The following ITPR1 variants were observed in gnomAD, a reference collection of about 807,000 sequenced individuals.
ITPR1 encodes the protein inositol 1,4,5-trisphosphate-gated calcium channel ITPR1.
ITPR1 carries 96 observed loss-of-function variants against 318.4 expected under a neutral mutation model. The ratio of observed to expected loss-of-function variants is 0.30; its 90% confidence interval spans 0.26 to 0.36. ITPR1 has a LOEUF of 0.36. ITPR1 is among the 10% of genes least tolerant of loss of function. The pLI, the probability that ITPR1 is intolerant of heterozygous loss-of-function variation, is 1.00. For missense variants in ITPR1, 2,440 were observed against 3,460.2 expected (o/e 0.71, Z 7.40); for synonymous variants, 1,312 against 1,289.9 (o/e 1.02, Z -0.37).
chr3:4,754,048 T>A (rs1412253176), intron 44 of ITPR1, among the ~76,000 whole-genome samples: 12 of 92,566 alleles, frequency 1.3e-4, no homozygotes, highest in African/African-American at 4.0e-4. Flanking sequence ...ACACAGAAAA[T>A]GGGGGGGGGG....
Position 4,622,943 on chromosome 3 carries a change from A to C in ITPR1, c.164-4820A>C, listed in dbSNP as rs1422941272. 5.9e-5 allele frequency among the ~76,000 whole-genome samples: 9 copies of C among 152,350 alleles called. No individual in the cohort carries two copies. The East Asian group carries it at 1.5e-3, about 26-fold the overall frequency. ...TCTGCCTTCAGAGACCTTACAGTCT[A>C]GTGGTGAAAGTTCTAGCAGTGGGGA... is the stretch of plus-strand genomic sequence containing the variant. On this transcript the variant is annotated intron_variant, in intron 4 of 61. Transcript: ENST00000649015.
chr3:4,724,109 C>A (rs929090628), intron 40 of ITPR1, among the ~76,000 whole-genome samples: 5 of 152,176 alleles, frequency 3.3e-5, no homozygotes, highest in African/African-American at 7.2e-5. Context: ...TGTCCCTCCC[C>A]ACCCCGAGCA....
intron 4 of ITPR1, among the ~76,000 whole-genome samples, chr3:4,586,343 CT>C (rs1247615816): frequency 6.6e-6 from 1 of 152,128 alleles, no homozygotes; most frequent in African/African-American, 2.4e-5. Context: ...CCTTGGTTTA[CT>C]ATTGAGGAAA....
At chr3:4,605,295 C>T (rs2091624803) in intron 4 of ITPR1, among the ~76,000 whole-genome samples, 1 of 152,074 alleles carries the variant, frequency 6.6e-6, no homozygotes, top group Non-Finnish European at 1.5e-5. Context: ...TTTAAAATGT[C>T]CTGGTCATGA....
At chr3:4,503,064 G>A (rs1038003581) in intron 2 of ITPR1, among the ~76,000 whole-genome samples, 1 of 152,058 alleles carries the variant, frequency 6.6e-6, no homozygotes, top group Admixed American at 6.5e-5. Context: ...CAGCCTGGGG[G>A]GCAGAGTGAG....
chr3:4,661,139 A>C, intron 14 of ITPR1, 52 bp downstream of exon 14: 1 of 1,065,574 alleles, frequency 9.4e-7, no homozygotes, highest in Non-Finnish European at 1.5e-6. Flanking sequence ...TCCTAATGAA[A>C]GGGCTCCTTT....
intron 2 of ITPR1, among the ~76,000 whole-genome samples, chr3:4,504,801 C>T (rs1330434680): frequency 1.3e-5 from 2 of 152,124 alleles, no homozygotes; most frequent in Admixed American, 6.5e-5. Context: ...ACCGTAAATG[C>T]GTTAGGTTTT....
Position 4,779,583 on chromosome 3 carries a change from G to T in ITPR1, c.6325G>T (p.Glu2109Ter). The change falls in exon 49 of 62, where the codon GAA (glutamate) becomes TAA (stop). Residue 2109 changes from glutamate to a stop codon, truncating the protein, a stop_gained. Coordinates refer to ENST00000649015, the MANE Select transcript of ITPR1 (RefSeq NM_001378452.1). LOFTEE classifies it high-confidence loss of function. This position sits in a 1 kb window ranked among gnomAD's most constrained non-coding sequence, Gnocchi z 4.0. Reference sequence around the variant, plus strand: ...CTCGAAGTTGCTCCTGGCCATCATGGAAAGCAGGCACGACAGTGAAAACGC... The same window carrying T: ...CTCGAAGTTGCTCCTGGCCATCATGTAAAGCAGGCACGACAGTGAAAACGC... ...NASKLLLAIM[E>*]SRHDSENAER... The T allele has an allele frequency of 1.9e-6, 3 of 1,612,752 alleles. No individual in the cohort carries two copies. The highest frequency in any genetic ancestry group is 2.5e-6 in the Non-Finnish European group (3 of 1,179,094).
intron 23 of ITPR1, among the ~76,000 whole-genome samples, chr3:4,676,010 C>T (rs959620065): frequency 6.6e-6 from 1 of 151,900 alleles, no homozygotes; most frequent in Non-Finnish European, 1.5e-5. Context: ...ACTTTATGTA[C>T]CTAGTTCTGT....
chr3:4,733,289 C>T (rs1013547773), intron 43 of ITPR1, 69 bp downstream of exon 43: 1 of 1,559,194 alleles, frequency 6.4e-7, no homozygotes, highest in East Asian at 2.3e-5. Context: ...CATGTTTCCT[C>T]CTAACAGGTT....
In ITPR1 at chr3:4,747,126, G is replaced by C. The variant is rs148009421; in HGVS notation, c.5544+11772G>C. Among the ~76,000 whole-genome samples, 1,170 of 152,318 alleles carry C rather than the reference G, an allele frequency of 7.7e-3. 10 individuals carry two copies. Among genetic ancestry groups the C allele is most frequent in the Middle Eastern group, 0.034 (10 of 294 alleles). On this transcript the variant is annotated intron_variant, in intron 44 of 61. Transcript: ENST00000649015. Reference sequence around the variant, plus strand: ...CATGGGAAATACATGTCAACTTGGAGAAATAGCCTTATGATGGCAGCAGTC... The same window carrying C: ...CATGGGAAATACATGTCAACTTGGACAAATAGCCTTATGATGGCAGCAGTC...
At chr3:4,766,273 C>G (rs116247303) in intron 44 of ITPR1, among the ~76,000 whole-genome samples, 1 of 152,176 alleles carries the variant, frequency 6.6e-6, no homozygotes, top group Non-Finnish European at 1.5e-5. Flanking sequence ...GTCTGCCCAC[C>G]ACACTCGAGC....
At chr3:4,523,721 G>C (rs755115681) in intron 4 of ITPR1, among the ~76,000 whole-genome samples, 1 of 152,004 alleles carries the variant, frequency 6.6e-6, no homozygotes, top group Non-Finnish European at 1.5e-5. Context: ...ATGTCCTCCG[G>C]GTTCATTCAT....
rs1168894892 is a variant in ITPR1 at position 4,543,864 on chromosome 3, T to C, written c.163+22770T>C. Among the ~76,000 whole-genome samples the C allele has an allele frequency of 1.8e-4, 27 of 152,250 alleles. 1 individual carries two copies. The highest frequency in any genetic ancestry group is 2.4e-5 in the African/African-American group (1 of 41,468). Reference sequence around the variant, plus strand: ...AAATCCAGAGATAGGCAATATCTTATGTAGTGAAAGTCTCAAAATCGTGTC... The same window carrying C: ...AAATCCAGAGATAGGCAATATCTTACGTAGTGAAAGTCTCAAAATCGTGTC... On this transcript the variant is annotated intron_variant, in intron 4 of 61. Coordinates refer to ENST00000649015, the MANE Select transcript of ITPR1 (RefSeq NM_001378452.1).
intron 54 of ITPR1, among the ~76,000 whole-genome samples, chr3:4,802,271 G>A (rs954192634): frequency 1.3e-5 from 2 of 152,190 alleles, no homozygotes; most frequent in Admixed American, 1.3e-4. Flanking sequence ...CTTGAGATTA[G>A]TGTTGTATAG....
At chr3:4,609,001 TAAAAAAAAAAAAAAA>T (rs56738231) in intron 4 of ITPR1, among the ~76,000 whole-genome samples, 834 of 53,454 alleles carry the variant, frequency 0.016, 28 homozygotes, top group African/African-American at 0.047. Context: ...ACTCCGTCTT[TAAAAAAAAAAAAAAA>T]AAAAAAAAAC....
intron 44 of ITPR1, among the ~76,000 whole-genome samples, chr3:4,752,799 T>A (rs1303573540): frequency 6.6e-6 from 1 of 152,202 alleles, no homozygotes; most frequent in Non-Finnish European, 1.5e-5. Context: ...ACAGCCGGCT[T>A]AATATAGCAG....
At chr3:4,574,451 T>G (rs2088402514) in intron 4 of ITPR1, among the ~76,000 whole-genome samples, 1 of 152,222 alleles carries the variant, frequency 6.6e-6, no homozygotes, top group Non-Finnish European at 1.5e-5. Flanking sequence ...TTGACAAGTC[T>G]GTGAATTATA....
At chr3:4,534,323 T>C (rs750791341) in intron 4 of ITPR1, among the ~76,000 whole-genome samples, 10 of 152,142 alleles carry the variant, frequency 6.6e-5, no homozygotes, top group Non-Finnish European at 1.2e-4. Flanking sequence ...TGTGTACCCA[T>C]TGTTTAGCTC....
Sources: gnomAD v4.1 joint callset for allele counts (sites outside exome capture counted in the v4.1 genomes callset) on GRCh38, gnomAD v4.1.1 for gene constraint, Gnocchi (gnomAD v3.1) non-coding constraint, MANE v1.5 for transcripts, NCBI Gene and HGNC (gene_info 2026-07-23, HGNC 2026-07-21) for gene names.